Variants in SGMS1 observed in about 807,000 individuals in gnomAD.
The protein encoded by SGMS1 is sphingomyelin synthase 1, also known as phosphatidylcholine:ceramide cholinephosphotransferase 1.
A neutral mutation model predicts 46.2 loss-of-function variants in SGMS1; 13 were observed. The ratio of observed to expected loss-of-function variants is 0.28; its 90% CI spans 0.18 to 0.45. SGMS1 has a LOEUF of 0.45. Among genes scored for constraint, SGMS1 ranks in the 20% least tolerant of loss-of-function variants. The pLI is 1.00. For synonymous variants in SGMS1, 203 were observed against 187.8 expected (o/e 1.08, Z -0.66); for missense variants, 324 against 519.9 (o/e 0.62, Z 3.66).
intron 6 of SGMS1, among the ~76,000 whole-genome samples, chr10:50,426,412 C>T (rs1849327634): frequency 6.6e-6 from 1 of 152,130 alleles, no homozygotes; most frequent in African/African-American, 2.4e-5. Flanking sequence ...TTAATAGATA[C>T]AAGTGAATAC....
chr10:50,545,516 A>C (rs1412699994), intron 2 of SGMS1, among the ~76,000 whole-genome samples: 2 of 150,600 alleles, frequency 1.3e-5, no homozygotes, highest in African/African-American at 2.4e-5. Flanking sequence ...GGCTCACTGC[A>C]ACCTCCACCC....
intron 3 of SGMS1, among the ~76,000 whole-genome samples, chr10:50,503,905 A>C (rs1837682987): frequency 6.6e-6 from 1 of 152,258 alleles, no homozygotes; most frequent in South Asian, 2.1e-4. Flanking sequence ...TTAACAGAGC[A>C]GATTATCAAG....
chr10:50,531,462 C>A (rs7078284), intron 2 of SGMS1, among the ~76,000 whole-genome samples: 47,169 of 151,828 alleles, frequency 0.31, 8,058 homozygotes, highest in East Asian at 0.64. Flanking sequence ...ACGTGATACA[C>A]GTGTTTGGTA....
At chr10:50,406,792 C>G (rs1443227102) in intron 6 of SGMS1, among the ~76,000 whole-genome samples, 2 of 151,038 alleles carry the variant, frequency 1.3e-5, no homozygotes, top group African/African-American at 2.4e-5. Flanking sequence ...GCAGCCTTGT[C>G]CCCTTGGGCT....
intron 2 of SGMS1, among the ~76,000 whole-genome samples, chr10:50,527,853 A>G (rs1837917857): frequency 6.6e-6 from 1 of 152,212 alleles, no homozygotes; most frequent in African/African-American, 2.4e-5. Context: ...ATATGGGCTT[A>G]GAAGTCAGAC....
At chr10:50,369,215 A>T (rs1357907247) in intron 6 of SGMS1, among the ~76,000 whole-genome samples, 1 of 152,240 alleles carries the variant, frequency 6.6e-6, no homozygotes, top group African/African-American at 2.4e-5. Context: ...CAAAGATTAC[A>T]GGTCAGGTGC....
At chr10:50,503,881 G>A (rs142821027) in intron 3 of SGMS1, among the ~76,000 whole-genome samples, 1,765 of 152,296 alleles carry the variant, frequency 0.012, 14 homozygotes, top group Middle Eastern at 0.027. Flanking sequence ...TGTTGACCAC[G>A]TCACTGTCTG....
At chr10:50,491,873 A>C (rs1042136426) in intron 3 of SGMS1, among the ~76,000 whole-genome samples, 1 of 152,090 alleles carries the variant, frequency 6.6e-6, no homozygotes, top group African/African-American at 2.4e-5. Context: ...AAAAAAGAAA[A>C]CTTCAGGCCA....
chr10:50,487,318 C>T (rs147449937), intron 3 of SGMS1, among the ~76,000 whole-genome samples: 1 of 152,108 alleles, frequency 6.6e-6, no homozygotes, highest in Non-Finnish European at 1.5e-5. Context: ...GAACAGCACA[C>T]ACAGGGTCTG....
intron 6 of SGMS1, among the ~76,000 whole-genome samples, chr10:50,361,418 C>T (rs917463769): frequency 6.6e-6 from 1 of 152,122 alleles, no homozygotes; most frequent in Non-Finnish European, 1.5e-5. Context: ...TTCACATACC[C>T]GTCAGAACCC....
At chr10:50,445,244 A>G (rs1836996197) in intron 5 of SGMS1, among the ~76,000 whole-genome samples, 1 of 152,202 alleles carries the variant, frequency 6.6e-6, no homozygotes, top group Non-Finnish European at 1.5e-5. Flanking sequence ...AGAGCATCTC[A>G]TAAGTTGCTG....
chr10:50,426,448 G>C (rs1849328046), intron 6 of SGMS1, among the ~76,000 whole-genome samples: 1 of 152,162 alleles, frequency 6.6e-6, no homozygotes, highest in Non-Finnish European at 1.5e-5. Context: ...ATGAAATGTA[G>C]TATTAAAGTC....
intron 2 of SGMS1, among the ~76,000 whole-genome samples, chr10:50,576,037 C>T (rs976425338): frequency 2.6e-5 from 4 of 152,106 alleles, no homozygotes; most frequent in African/African-American, 9.7e-5. Flanking sequence ...TCCTTTCCCT[C>T]TGGCATCACT....
chr10:50,586,568 G>A (rs913698564), intron 2 of SGMS1, among the ~76,000 whole-genome samples: 3 of 152,224 alleles, frequency 2.0e-5, no homozygotes, highest in Non-Finnish European at 4.4e-5. Flanking sequence ...GACATGTTCT[G>A]CACAGTCTCC....
chr10:50,601,565 G>C (rs540468056), intron 1 of SGMS1, among the ~76,000 whole-genome samples: 37 of 152,304 alleles, frequency 2.4e-4, no homozygotes, highest in African/African-American at 7.7e-4. Flanking sequence ...AGCTCAGAAA[G>C]GTTAAGTGGC....
At chr10:50,596,524 G>A (rs771996312) in intron 1 of SGMS1, among the ~76,000 whole-genome samples, 4 of 152,152 alleles carry the variant, frequency 2.6e-5, no homozygotes, top group Non-Finnish European at 4.4e-5. Flanking sequence ...CTGGCCTACT[G>A]TAAGCACAAT....
At chr10:50,338,166 C>A (rs755280509) in intron 7 of SGMS1, among the ~76,000 whole-genome samples, 1 of 152,148 alleles carries the variant, frequency 6.6e-6, no homozygotes, top group Non-Finnish European at 1.5e-5. Context: ...ACTAAGTGAC[C>A]ATTTCCATTT....
At chr10:50,476,062 G>A (rs1392884981) in intron 3 of SGMS1, among the ~76,000 whole-genome samples, 1 of 113,104 alleles carries the variant, frequency 8.8e-6, no homozygotes, top group East Asian at 2.9e-4. Context: ...GACCAGCCTG[G>A]CCAACACTGT....
chr10:50,358,269 T>A (rs1176219096), intron 6 of SGMS1, among the ~76,000 whole-genome samples: 2 of 152,218 alleles, frequency 1.3e-5, no homozygotes, highest in African/African-American at 4.8e-5. Context: ...GCTCAAACTT[T>A]ATAACACAAA....
Sources: allele counts gnomAD v4.1 joint callset (sites outside exome capture counted in the v4.1 genomes callset), GRCh38; gene constraint gnomAD v4.1.1; transcripts MANE v1.5; gene names NCBI Gene and HGNC (gene_info 2026-07-23, HGNC 2026-07-21).